The following CC2D2A variants were observed in gnomAD, a reference collection of about 807,000 sequenced individuals.
CC2D2A encodes coiled-coil and C2 domain containing 2A, also known as coiled-coil and C2 domain-containing protein 2A.
A neutral mutation model predicts 212.9 loss-of-function variants in CC2D2A; 155 were observed. The ratio of observed to expected loss-of-function variants is 0.73; its 90% CI spans 0.64 to 0.83. The LOEUF is 0.83. Ranked by LOEUF, CC2D2A falls within the 40% of genes least tolerant of loss-of-function variation. CC2D2A has a pLI of 0.00. For missense variants in CC2D2A, 1,856 were observed against 1,956.2 expected (o/e 0.95, Z 0.97); for synonymous variants, 667 against 686.5 (o/e 0.97, Z 0.44).
At chr4:15,481,740 A>G in intron 4 of CC2D2A, 2 of 959,866 alleles carry the variant, frequency 2.1e-6, no homozygotes, top group Non-Finnish European at 2.5e-6. Context: ...ATTCCTTTAT[A>G]GCAATGCAAA....
At chr4:15,529,262 G>T (rs114435973) in intron 13 of CC2D2A, among the ~76,000 whole-genome samples, 2 of 151,994 alleles carry the variant, frequency 1.3e-5, no homozygotes, top group Admixed American at 6.6e-5. Context: ...TGTGCATGTA[G>T]TCCCAACTAC....
chr4:15,578,307 C>T (rs1577391194), intron 29 of CC2D2A, among the ~76,000 whole-genome samples: 1 of 152,324 alleles, frequency 6.6e-6, no homozygotes, highest in African/African-American at 2.4e-5. Context: ...CCCCTACAAC[C>T]ACTACTCCAA....
Position 15,527,518 on chromosome 4 carries a change from C to G in CC2D2A, c.1221C>G (p.Asp407Glu), listed in dbSNP as rs1434489507. Reference sequence around the variant, plus strand: ...ACCCTCCTGGAAATTTCCAACTGGACATTGATATTTCAGGGTTAATCTTCA... The same window carrying G: ...ACCCTCCTGGAAATTTCCAACTGGAGATTGATATTTCAGGGTTAATCTTCA... Reference protein sequence around the residue: ...SGDPPGNFQLDIDISGLIFTH... With the variant: ...SGDPPGNFQLEIDISGLIFTH... Residue 407 changes from aspartate (D) to glutamate (E), a missense_variant, in exon 12 of 37, where the codon GAC (aspartate) becomes GAG (glutamate). Asp to Glu is a conservative substitution (Grantham distance 45, BLOSUM62 2). This residue lies in a region of CC2D2A where 1,512 missense variants were observed against 1,579.3 expected (regional missense o/e 0.96). Coordinates refer to ENST00000424120, the MANE Select transcript of CC2D2A (RefSeq NM_001378615.1). 2 of 1,613,528 alleles carry G rather than the reference C, an allele frequency of 1.2e-6. No homozygotes were observed. Among genetic ancestry groups the G allele is most frequent in the African/African-American group, 1.3e-5 (1 of 75,044 alleles).
intron 29 of CC2D2A, chr4:15,576,406 T>G: frequency 1.0e-6 from 1 of 982,790 alleles, no homozygotes; most frequent in East Asian, 1.1e-4. Flanking sequence ...TCTACCACCA[T>G]GCCATATGGA....
In CC2D2A at chr4:15,589,565, A is replaced by G. The variant is rs1720998446; in HGVS notation, c.4200A>G (p.Leu1400=). 6.2e-6 allele frequency: 10 copies of G among 1,612,370 alleles called. No individual in the cohort carries two copies. Among genetic ancestry groups the G allele is most frequent in the African/African-American group, 1.3e-5 (1 of 74,858 alleles). ...AIPEGPTAYV[L]TWEQGRYLIW... is the part of the protein sequence containing the mutation. The stretch of plus-strand genomic sequence containing the variant: ...TTCAGGGTCCAACTGCCTATGTGCT[A>G]ACTTGGGAGCAAGGTCGTTATTTAA... Residue 1400 remains leucine (L), a synonymous_variant, in exon 33 of 37, where the codon CTA becomes CTG. Transcript: ENST00000424120.
rs1205003204 is a variant in CC2D2A at position 15,569,324 on chromosome 4, C to G, written c.3430C>G (p.Leu1144Val). ...APNGDYSTASLQSVKDVVFIN... is the reference protein window; with the variant it reads ...APNGDYSTASVQSVKDVVFIN... ...TAATGGAGATTATAGCACAGCCAGT[C>G]TGCAGTCAGTGAAAGATGTTGTGTT... The change falls in exon 27 of 37, where the codon CTG (leucine) becomes GTG (valine). Residue 1144 changes from leucine (L) to valine (V), a missense_variant. By Grantham distance (32) the Leu-to-Val change is conservative. This residue lies in a region of CC2D2A where 1,512 missense variants were observed against 1,579.3 expected (regional missense o/e 0.96). Transcript: ENST00000424120. 4 of 1,582,692 alleles carry G rather than the reference C, an allele frequency of 2.5e-6. No individual in the cohort carries two copies. The African/African-American group carries it at 5.4e-5, about 21-fold the overall frequency.
At chr4:15,504,806 G>C (rs1048810845) in intron 6 of CC2D2A, among the ~76,000 whole-genome samples, 1 of 152,130 alleles carries the variant, frequency 6.6e-6, no homozygotes, top group Non-Finnish European at 1.5e-5. Context: ...ATTCATAATA[G>C]GACATCTCAC....
intron 13 of CC2D2A, among the ~76,000 whole-genome samples, chr4:15,531,742 T>C (rs1190888999): frequency 6.6e-6 from 1 of 152,218 alleles, no homozygotes; most frequent in East Asian, 1.9e-4. Context: ...CTAAGAGCTC[T>C]TTTTAGCATT....
intron 16 of CC2D2A, among the ~76,000 whole-genome samples, chr4:15,539,749 C>CT (rs1186680640): frequency 6.6e-6 from 1 of 152,134 alleles, no homozygotes; most frequent in Non-Finnish European, 1.5e-5. Context: ...AGCATGCTTT[C>CT]TAAAAGGAAA....
chr4:15,555,342 C>A, intron 20 of CC2D2A, 132 bp downstream of exon 20: 1 of 1,164,520 alleles, frequency 8.6e-7, no homozygotes, highest in Non-Finnish European at 1.2e-6. Flanking sequence ...TGAATTCCAG[C>A]TGTGCTTCTT....
intron 19 of CC2D2A, among the ~76,000 whole-genome samples, chr4:15,554,719 A>G (rs1719191803): frequency 6.6e-6 from 1 of 152,208 alleles, no homozygotes; most frequent in Admixed American, 6.5e-5. Flanking sequence ...GTTTGTCCTC[A>G]GCTATAGTGG....
Position 15,601,528 on chromosome 4 carries a change from A to G in CC2D2A, c.*103A>G. ...TCAGAAGAACATATTATTGGCAAATAATAAAATTATCAACTGTTTTCAAAC... is the reference window on the plus strand; with the variant it reads ...TCAGAAGAACATATTATTGGCAAATGATAAAATTATCAACTGTTTTCAAAC... On this transcript the variant is annotated 3_prime_UTR_variant, in exon 37 of 37. Transcript: ENST00000424120. 1.4e-6 allele frequency: 1 copy of G among 726,038 alleles called. No individual in the cohort carries two copies. Among genetic ancestry groups the G allele is most frequent in the Non-Finnish European group, 2.1e-6 (1 of 472,540 alleles). The allele number at this position is 726,038 out of a possible 1,614,324, so 45.0% of individuals were successfully genotyped here. A position where few individuals can be genotyped will look rare whatever the true frequency, so the allele number is the denominator to read the frequency against.
chr4:15,487,122 C>G (rs1715043842), intron 4 of CC2D2A, among the ~76,000 whole-genome samples: 1 of 152,020 alleles, frequency 6.6e-6, no homozygotes, highest in African/African-American at 2.4e-5. Flanking sequence ...TATTCTGCAG[C>G]TGTTGGATGA....
chr4:15,470,687 CTCTATATATATATATATATATA>C (rs1216315792), intron 1 of CC2D2A, among the ~76,000 whole-genome samples: 3,547 of 32,000 alleles, frequency 0.11, 49 homozygotes, highest in Non-Finnish European at 0.16. Context: ...CTCTCTCTCT[CTCTATATATATATATATATATA>C]TATATATATA....
intron 30 of CC2D2A, among the ~76,000 whole-genome samples, chr4:15,585,676 G>A (rs1230120632): frequency 3.3e-5 from 5 of 152,178 alleles, no homozygotes; most frequent in Admixed American, 2.6e-4. Flanking sequence ...TGTTTAAAGT[G>A]ATGGATATGC....
chr4:15,549,021 G>A (rs1454061302), intron 17 of CC2D2A, among the ~76,000 whole-genome samples: 2 of 152,086 alleles, frequency 1.3e-5, no homozygotes, highest in African/African-American at 2.4e-5. Context: ...AAATGGTATT[G>A]TAATTATGCT....
intron 23 of CC2D2A, 103 bp downstream of exon 23, chr4:15,560,725 G>A: frequency 1.7e-6 from 1 of 574,362 alleles, no homozygotes; most frequent in African/African-American, 2.0e-5. Flanking sequence ...TCATCGTATG[G>A]TATGCATTTG....
At chr4:15,599,023 A>G (rs991742338) in intron 35 of CC2D2A, among the ~76,000 whole-genome samples, 1 of 152,056 alleles carries the variant, frequency 6.6e-6, no homozygotes, top group African/African-American at 2.4e-5. Flanking sequence ...TTAGCCAGAC[A>G]TAATGGCATG....
At chr4:15,512,082 G>A (rs1341580058) in intron 8 of CC2D2A, among the ~76,000 whole-genome samples, 1 of 152,212 alleles carries the variant, frequency 6.6e-6, no homozygotes, top group African/African-American at 2.4e-5. Flanking sequence ...AGGATATGGA[G>A]AAATTGGACT....
Sources: allele counts gnomAD v4.1 joint callset (sites outside exome capture counted in the v4.1 genomes callset), GRCh38; gene constraint gnomAD v4.1.1; regional missense constraint gnomAD v4.1.1; transcripts MANE v1.5; gene names NCBI Gene and HGNC (gene_info 2026-07-23, HGNC 2026-07-21).